OR6N1: variants seen among roughly 807,000 people sequenced by gnomAD.
The protein encoded by OR6N1 is olfactory receptor 6N1.
For synonymous variants in OR6N1, 170 were observed against 150.7 expected, an observed-to-expected ratio of 1.13 and a Z score of -0.94; for missense variants, 394 against 371.7, an observed-to-expected ratio of 1.06 and a Z score of -0.49.
chr1:158,834,197 C>T, the OR6N1 span, among the ~76,000 whole-genome samples: 1 of 150,942 alleles, frequency 6.6e-6, no homozygotes, highest in South Asian at 2.1e-4. Context: ...TTGTATAGCA[C>T]CTTTGAAGAA....
the OR6N1 span, among the ~76,000 whole-genome samples, chr1:158,781,914 AT>A: frequency 6.6e-6 from 1 of 152,238 alleles, no homozygotes; most frequent in Non-Finnish European, 1.5e-5. Context: ...CCCATTGTAC[AT>A]TTGAGAAAAC....
chr1:158,829,736 A>T, the OR6N1 span, among the ~76,000 whole-genome samples: 2 of 152,132 alleles, frequency 1.3e-5, no homozygotes, highest in Non-Finnish European at 2.9e-5. Context: ...TTACTTTATT[A>T]GTCTGTTTTC....
the OR6N1 span, among the ~76,000 whole-genome samples, chr1:158,792,438 C>T: frequency 6.6e-6 from 1 of 152,082 alleles, no homozygotes; most frequent in Non-Finnish European, 1.5e-5. Context: ...AGGCATCATG[C>T]TGTTACCTAG....
chr1:158,835,615 TG>T, the OR6N1 span, among the ~76,000 whole-genome samples: 1 of 38,616 alleles, frequency 2.6e-5, no homozygotes, highest in Non-Finnish European at 4.8e-5. Flanking sequence ...CTATTTTTGG[TG>T]GGGGCGGGGG....
chr1:158,814,497 A>G, the OR6N1 span, among the ~76,000 whole-genome samples: 1 of 152,158 alleles, frequency 6.6e-6, no homozygotes, highest in East Asian at 1.9e-4. Context: ...TAAACAACAA[A>G]AATTTATTTT....
At chr1:158,800,866 C>A in the OR6N1 span, among the ~76,000 whole-genome samples, 1 of 152,098 alleles carries the variant, frequency 6.6e-6, no homozygotes, top group Admixed American at 6.5e-5. Flanking sequence ...GCTATGTTAT[C>A]CTCAGACAGG....
the OR6N1 span, among the ~76,000 whole-genome samples, chr1:158,834,564 A>G: frequency 6.6e-6 from 1 of 152,108 alleles, no homozygotes; most frequent in Non-Finnish European, 1.5e-5. Context: ...CTCATTCTCT[A>G]GGTTCCCTTT....
At chr1:158,772,763 T>C (rs1332129471), upstream of OR6N1, among the ~76,000 whole-genome samples, 1 of 152,214 alleles carries the variant, frequency 6.6e-6, no homozygotes, top group African/African-American at 2.4e-5. Context: ...TCCCAGCCAT[T>C]CTTCCAAATA....
chr1:158,827,994 A>G, the OR6N1 span, among the ~76,000 whole-genome samples: 3 of 152,194 alleles, frequency 2.0e-5, no homozygotes, highest in East Asian at 5.8e-4. Flanking sequence ...ATGCAGGGCA[A>G]CTCCCATTTT....
chr1:158,834,118 T>C, the OR6N1 span, among the ~76,000 whole-genome samples: 1 of 152,192 alleles, frequency 6.6e-6, no homozygotes. Context: ...TTGTGGTTTT[T>C]ATGGGTTTGA....
chr1:158,797,128 A>C, the OR6N1 span, among the ~76,000 whole-genome samples: 1 of 152,204 alleles, frequency 6.6e-6, no homozygotes, highest in South Asian at 2.1e-4. Flanking sequence ...CAAGATACAG[A>C]GAGTTTCCCA....
the OR6N1 span, among the ~76,000 whole-genome samples, chr1:158,799,886 C>T: frequency 6.6e-6 from 1 of 152,042 alleles, no homozygotes; most frequent in South Asian, 2.1e-4. Context: ...GAAGATAGGG[C>T]CCTAGAAGAA....
At position 158,766,571 on chromosome 1, in the gene OR6N1, T is replaced by G. The variant is rs201712486; in HGVS notation, c.112A>C (p.Thr38Pro). The G allele has an allele frequency of 3.1e-6, 5 of 1,613,218 alleles. No homozygotes were observed. In the South Asian group the frequency reaches 5.5e-5, roughly 18 times the overall value. ...AATATCAGCAGGTTTCCCAACACAG[T>G]CATGAGGTAAATGAGAAGCAACAAG... ...FLLLLLIYLM[T>P]VLGNLLIFLV... is the part of the protein sequence containing the mutation. Residue 38 changes from threonine to proline, a missense_variant, in exon 2 of 2, where the codon ACT becomes CCT. Physicochemically the swap from Thr to Pro is conservative, Grantham distance 38. Coordinates refer to ENST00000641846, the MANE Select transcript of OR6N1 (RefSeq NM_001005185.2).
chr1:158,796,184 A>T, the OR6N1 span: 1 of 152,282 alleles, frequency 6.6e-6, no homozygotes, highest in African/African-American at 2.4e-5. Flanking sequence ...GGCTTCTTGG[A>T]AAGTACTTAG....
the OR6N1 span, among the ~76,000 whole-genome samples, chr1:158,782,210 A>T: frequency 6.6e-6 from 1 of 152,244 alleles, no homozygotes; most frequent in Non-Finnish European, 1.5e-5. Context: ...TATTGTGAGA[A>T]TTAAGTAAGA....
chr1:158,774,267 T>A (rs2102012476), upstream of OR6N1: 1 of 152,352 alleles, frequency 6.6e-6, no homozygotes, highest in Non-Finnish European at 1.5e-5. Flanking sequence ...GATAAAATAG[T>A]GCGGATGACA....
chr1:158,838,967 T>G, the OR6N1 span, among the ~76,000 whole-genome samples: 1 of 152,204 alleles, frequency 6.6e-6, no homozygotes, highest in Non-Finnish European at 1.5e-5. Flanking sequence ...CATTTTTTAT[T>G]AATCATTTTC....
At chr1:158,823,269 A>G in the OR6N1 span, among the ~76,000 whole-genome samples, 1 of 152,102 alleles carries the variant, frequency 6.6e-6, no homozygotes, top group Admixed American at 6.6e-5. Context: ...TTTTGAAATA[A>G]TTTCAATAGA....
At chr1:158,776,378 G>A (rs1657593647), upstream of OR6N1, 1 of 223,196 alleles carries the variant, frequency 4.5e-6, no homozygotes, top group Non-Finnish European at 8.7e-6. Context: ...GTGTTGAGAA[G>A]TTTGATTGGA....
Sources: allele counts gnomAD v4.1 joint callset (sites outside exome capture counted in the v4.1 genomes callset), GRCh38; gene constraint gnomAD v4.1.1; transcripts MANE v1.5; gene names NCBI Gene and HGNC (gene_info 2026-07-23, HGNC 2026-07-21).